ATRNL1: variants seen among roughly 807,000 people sequenced by gnomAD.
ATRNL1 encodes attractin-like protein 1.
In ATRNL1, 95 loss-of-function variants were observed where a neutral mutation model predicts 182.7. That is an observed-to-expected ratio of 0.52 (90% CI 0.44 to 0.62). The LOEUF (loss-of-function observed/expected upper bound fraction) is 0.62, where lower values mean the gene tolerates loss of function less well. Ranked by LOEUF, ATRNL1 falls within the 20% of genes least tolerant of loss-of-function variation. The pLI, the probability that ATRNL1 is intolerant of heterozygous loss-of-function variation, is 0.00. For synonymous variants in ATRNL1, 576 were observed against 568.3 expected (o/e 1.01, Z -0.19); for missense variants, 1,471 against 1,679.5 (o/e 0.88, Z 2.17).
At chr10:115,281,275 A>G (rs1349605212) in intron 13 of ATRNL1, 80 bp from the exon 14 acceptor site, 6 of 1,243,722 alleles carry the variant, frequency 4.8e-6, no homozygotes, top group Middle Eastern at 2.0e-4. Context: ...AAAGTTCACC[A>G]GAGGATTTAA....
chr10:115,736,625 G>A (rs1193547022), intron 27 of ATRNL1, among the ~76,000 whole-genome samples: 3 of 151,998 alleles, frequency 2.0e-5, no homozygotes, highest in Non-Finnish European at 4.4e-5. Flanking sequence ...ATCTTAGTTT[G>A]TGGTTTGCTA....
At chr10:115,917,407 T>C (rs2134547833) in intron 28 of ATRNL1, among the ~76,000 whole-genome samples, 1 of 144,200 alleles carries the variant, frequency 6.9e-6, no homozygotes, top group Non-Finnish European at 1.5e-5. Context: ...GAGGCAGAGC[T>C]TGCAGTGAGC....
chr10:115,769,146 C>T (rs782180425), intron 27 of ATRNL1, among the ~76,000 whole-genome samples: 1 of 152,062 alleles, frequency 6.6e-6, no homozygotes, highest in Non-Finnish European at 1.5e-5. Context: ...TTTGTTCAAC[C>T]ATGGACATTT....
At chr10:115,260,907 T>C (rs914914804) in intron 10 of ATRNL1, among the ~76,000 whole-genome samples, 2 of 151,938 alleles carry the variant, frequency 1.3e-5, no homozygotes, top group Admixed American at 6.6e-5. Flanking sequence ...AGTAATAGAA[T>C]TGAAAAAGCA....
chr10:115,918,992 A>G (rs1437139969), intron 28 of ATRNL1, among the ~76,000 whole-genome samples: 1 of 152,230 alleles, frequency 6.6e-6, no homozygotes, highest in Non-Finnish European at 1.5e-5. Context: ...TGATTCAGCA[A>G]TAAAACTTCT....
chr10:115,491,033 C>T (rs995879748), intron 24 of ATRNL1, among the ~76,000 whole-genome samples: 3 of 152,198 alleles, frequency 2.0e-5, no homozygotes, highest in Non-Finnish European at 2.9e-5. Context: ...CCACTCCAGA[C>T]TCTTTTTGCC....
chr10:115,906,978 A>G (rs1337749010), intron 28 of ATRNL1, among the ~76,000 whole-genome samples: 1 of 151,300 alleles, frequency 6.6e-6, no homozygotes, highest in Non-Finnish European at 1.5e-5. Context: ...TTGAGTGTCA[A>G]CTCAGTGCTG....
At chr10:115,261,961 G>A (rs1347429443) in intron 10 of ATRNL1, among the ~76,000 whole-genome samples, 1 of 152,088 alleles carries the variant, frequency 6.6e-6, no homozygotes, top group African/African-American at 2.4e-5. Flanking sequence ...GAGGAAATAT[G>A]CGTGTGTAAG....
At chr10:115,212,775 C>T (rs1381474166) in intron 8 of ATRNL1, among the ~76,000 whole-genome samples, 1 of 151,968 alleles carries the variant, frequency 6.6e-6, no homozygotes, top group Non-Finnish European at 1.5e-5. Flanking sequence ...CGTGTTCTCA[C>T]TTATAAGTGG....
chr10:115,807,020 T>C (rs781518808), intron 27 of ATRNL1, among the ~76,000 whole-genome samples: 36 of 152,266 alleles, frequency 2.4e-4, no homozygotes, highest in Non-Finnish European at 4.9e-4. Flanking sequence ...TTTTAAAATA[T>C]TTGCAAATTT....
At chr10:115,876,181 A>G (rs1347141043) in intron 28 of ATRNL1, among the ~76,000 whole-genome samples, 1 of 152,136 alleles carries the variant, frequency 6.6e-6, no homozygotes, top group Non-Finnish European at 1.5e-5. Flanking sequence ...ACAACATACA[A>G]TTTGCAGTCA....
chr10:115,331,250 T>C (rs1855205350), intron 18 of ATRNL1, among the ~76,000 whole-genome samples: 1 of 152,134 alleles, frequency 6.6e-6, no homozygotes, highest in Non-Finnish European at 1.5e-5. Context: ...TTAGTAGAGA[T>C]GGGGTTTCAC....
chr10:115,217,523 G>A (rs1268148462), intron 9 of ATRNL1, among the ~76,000 whole-genome samples: 1 of 152,162 alleles, frequency 6.6e-6, no homozygotes, highest in East Asian at 1.9e-4. Context: ...AAAGTGAATG[G>A]ATAAGAGAGC....
chr10:115,483,987 G>A (rs142103475), intron 24 of ATRNL1, among the ~76,000 whole-genome samples: 195 of 151,628 alleles, frequency 1.3e-3, no homozygotes, highest in African/African-American at 4.4e-3. Context: ...GGAAGCATTT[G>A]TAAGAATTTG....
chr10:115,873,161 T>C (rs181734823), intron 28 of ATRNL1, among the ~76,000 whole-genome samples: 16 of 152,318 alleles, frequency 1.1e-4, no homozygotes, highest in African/African-American at 3.8e-4. Flanking sequence ...CCTGTTTGCT[T>C]CCTGTGACCT....
intron 26 of ATRNL1, among the ~76,000 whole-genome samples, chr10:115,665,764 A>G (rs959419565): frequency 6.6e-6 from 1 of 152,152 alleles, no homozygotes. Flanking sequence ...GTCATTATCT[A>G]GAAAGATTCG....
intron 25 of ATRNL1, among the ~76,000 whole-genome samples, chr10:115,531,933 A>G (rs1426959766): frequency 1.4e-5 from 2 of 145,874 alleles, no homozygotes; most frequent in Admixed American, 1.4e-4. Flanking sequence ...AAGATCAGAT[A>G]GTTGTAGATA....
intron 26 of ATRNL1, among the ~76,000 whole-genome samples, chr10:115,647,379 T>C (rs1859698079): frequency 6.6e-6 from 1 of 152,160 alleles, no homozygotes; most frequent in Non-Finnish European, 1.5e-5. Context: ...TGCCACACTG[T>C]CTTCCACAAT....
Position 115,253,662 on chromosome 10 carries a change from A to G in ATRNL1, c.1688-11531A>G, listed in dbSNP as rs912222622. On this transcript the variant is annotated intron_variant, in intron 10 of 28. Coordinates refer to ENST00000355044, the MANE Select transcript of ATRNL1 (RefSeq NM_207303.4). ...TGCGCATAATGTGCAGGTTTGATAC[A>G]TAGGTATACATGTGCCATGTCGGTT... Among the ~76,000 whole-genome samples the G allele has an allele frequency of 3.3e-5, 5 of 152,220 alleles. No individual in the cohort carries two copies. In the East Asian group the frequency reaches 7.7e-4, roughly 24 times the overall value.
Sources: allele counts gnomAD v4.1 joint callset (sites outside exome capture counted in the v4.1 genomes callset), GRCh38; gene constraint gnomAD v4.1.1; transcripts MANE v1.5; gene names NCBI Gene and HGNC (gene_info 2026-07-23, HGNC 2026-07-21).